The following TPST1 variants were observed in gnomAD, a reference collection of about 807,000 sequenced individuals.
TPST1 encodes the protein protein-tyrosine sulfotransferase 1.
TPST1 carries 20 observed loss-of-function variants against 34.8 expected under a neutral mutation model. The observed-to-expected ratio is 0.57, with a 90% CI of 0.40 to 0.84. The LOEUF is 0.84. Ranked by LOEUF, TPST1 falls within the 40% of genes least tolerant of loss-of-function variation. The probability of loss-of-function intolerance (pLI) is 0.00; values close to 1 mark genes in which losing one functional copy is unlikely to be tolerated. For missense variants in TPST1, 353 were observed against 455.5 expected, an observed-to-expected ratio of 0.78 and a Z score of 2.05; for synonymous variants, 152 against 159.4, an observed-to-expected ratio of 0.95 and a Z score of 0.35.
At chr7:66,218,616 C>T (rs778608498) in intron 1 of TPST1, among the ~76,000 whole-genome samples, 1 of 152,056 alleles carries the variant, frequency 6.6e-6, no homozygotes, top group African/African-American at 2.4e-5. Context: ...GAGGCTGAGG[C>T]GGGGAGATCA....
intron 2 of TPST1, among the ~76,000 whole-genome samples, chr7:66,270,865 C>A (rs1790690620): frequency 6.6e-6 from 1 of 152,174 alleles, no homozygotes. Flanking sequence ...CATTGATCCT[C>A]AGTGCCTAGA....
chr7:66,201,136 T>A (rs1333293700), upstream of TPST1, among the ~76,000 whole-genome samples: 1 of 152,086 alleles, frequency 6.6e-6, no homozygotes, highest in East Asian at 1.9e-4. Flanking sequence ...TGAGGCTCAT[T>A]AAATTACACA....
intron 3 of TPST1, among the ~76,000 whole-genome samples, chr7:66,348,695 T>C (rs1227892776): frequency 6.6e-6 from 1 of 152,240 alleles, no homozygotes; most frequent in East Asian, 1.9e-4. Flanking sequence ...GCTCTGCTGT[T>C]TGTATAGGCA....
chr7:66,274,156 C>T (rs1790759594), intron 2 of TPST1, among the ~76,000 whole-genome samples: 2 of 151,658 alleles, frequency 1.3e-5, no homozygotes, highest in South Asian at 4.2e-4. Flanking sequence ...ATCACAAGGT[C>T]AGGAGATCGA....
At chr7:66,234,400 T>TACACACAC (rs56139529) in intron 1 of TPST1, among the ~76,000 whole-genome samples, 7,491 of 142,886 alleles carry the variant, frequency 0.052, 364 homozygotes, top group African/African-American at 0.12. Flanking sequence ...AAAGCATGGC[T>TACACACAC]ACACACACAC....
At chr7:66,353,491 A>G (rs1476623165) in intron 4 of TPST1, among the ~76,000 whole-genome samples, 1 of 152,134 alleles carries the variant, frequency 6.6e-6, no homozygotes, top group Non-Finnish European at 1.5e-5. Context: ...AATTAAGCAG[A>G]TTCAGAGTTT....
intron 3 of TPST1, among the ~76,000 whole-genome samples, chr7:66,310,147 T>TA (rs1479875770): frequency 1.3e-5 from 2 of 152,206 alleles, no homozygotes; most frequent in East Asian, 3.8e-4. Context: ...TTAAAGGTGT[T>TA]AGACTCTCAG....
At chr7:66,243,146 G>C (rs918931781) in intron 2 of TPST1, among the ~76,000 whole-genome samples, 1 of 148,480 alleles carries the variant, frequency 6.7e-6, no homozygotes, top group African/African-American at 2.5e-5. Context: ...GATGACAAGG[G>C]GTGTGTGTGT....
At chr7:66,238,214 CT>C (rs1789950797) in intron 1 of TPST1, among the ~76,000 whole-genome samples, 1 of 152,112 alleles carries the variant, frequency 6.6e-6, no homozygotes, top group African/African-American at 2.4e-5. Context: ...TGGAGAGTTC[CT>C]TCAGACCTCC....
intron 2 of TPST1, among the ~76,000 whole-genome samples, chr7:66,242,392 A>G (rs1790054566): frequency 6.6e-6 from 1 of 152,190 alleles, no homozygotes; most frequent in Admixed American, 6.5e-5. Context: ...TCACCAAGGA[A>G]TATCTGCTTA....
At chr7:66,223,249 C>T (rs867983048) in intron 1 of TPST1, among the ~76,000 whole-genome samples, 1 of 151,874 alleles carries the variant, frequency 6.6e-6, no homozygotes, top group Admixed American at 6.6e-5. Flanking sequence ...GGGTTCAAGA[C>T]CAGCCTGGGC....
chr7:66,253,887 A>G (rs1427470797), intron 2 of TPST1, among the ~76,000 whole-genome samples: 1 of 151,216 alleles, frequency 6.6e-6, no homozygotes, highest in Non-Finnish European at 1.5e-5. Flanking sequence ...AAAAATAAAA[A>G]TTAGCTGGGC....
chr7:66,338,805 G>GTTC (rs1306853949), intron 3 of TPST1, among the ~76,000 whole-genome samples: 1 of 152,010 alleles, frequency 6.6e-6, no homozygotes, highest in Non-Finnish European at 1.5e-5. Flanking sequence ...AGCAAAAGCG[G>GTTC]TTCTAAGAGG....
chr7:66,322,378 T>G (rs1417315219), intron 3 of TPST1, among the ~76,000 whole-genome samples: 3 of 152,336 alleles, frequency 2.0e-5, no homozygotes, highest in East Asian at 3.9e-4. Context: ...TTATACTCAT[T>G]AAACAATAAC....
intron 3 of TPST1, among the ~76,000 whole-genome samples, chr7:66,349,889 G>A (rs1286094686): frequency 2.0e-5 from 3 of 152,184 alleles, no homozygotes; most frequent in African/African-American, 7.2e-5. Flanking sequence ...GTGTCTTCTT[G>A]ACCCACAGAC....
chr7:66,263,130 A>T (rs1033630313), intron 2 of TPST1, among the ~76,000 whole-genome samples: 1 of 151,916 alleles, frequency 6.6e-6, no homozygotes, highest in African/African-American at 2.4e-5. Context: ...AAAAATAAAA[A>T]AATAAAATAA....
chr7:66,282,267 G>A (rs560638558), intron 2 of TPST1, among the ~76,000 whole-genome samples: 4 of 152,226 alleles, frequency 2.6e-5, no homozygotes, highest in Non-Finnish European at 4.4e-5. Context: ...TCTAATCACT[G>A]TGTCCTTTTG....
intron 1 of TPST1, among the ~76,000 whole-genome samples, chr7:66,216,052 C>A (rs1323923705): frequency 6.6e-6 from 1 of 152,126 alleles, no homozygotes; most frequent in East Asian, 1.9e-4. Flanking sequence ...ATGTGAGCCA[C>A]CGCGCCCGGC....
chr7:66,341,524 C>A (rs1362841409), intron 3 of TPST1, among the ~76,000 whole-genome samples: 2 of 152,166 alleles, frequency 1.3e-5, no homozygotes, highest in Non-Finnish European at 2.9e-5. Context: ...CATGATCCAC[C>A]TGCCTCGGCC....
Sources: gnomAD v4.1 joint callset for allele counts (sites outside exome capture counted in the v4.1 genomes callset) on GRCh38, gnomAD v4.1.1 for gene constraint, MANE v1.5 for transcripts, NCBI Gene and HGNC (gene_info 2026-07-23, HGNC 2026-07-21) for gene names.